Variants in ARHGEF7 observed in about 807,000 individuals in gnomAD.
ARHGEF7 encodes PAK-interacting exchange factor beta.
Under a neutral mutation model 109.8 loss-of-function variants are expected in ARHGEF7, and 33 were observed. The ratio of observed to expected loss-of-function variants is 0.30; its 90% confidence interval spans 0.23 to 0.40. The LOEUF (loss-of-function observed/expected upper bound fraction) is 0.40, where lower values mean the gene tolerates loss of function less well. Among genes scored for constraint, ARHGEF7 ranks in the 10% least tolerant of loss-of-function variants. ARHGEF7 has a pLI of 1.00. For synonymous variants in ARHGEF7, 458 were observed against 424.6 expected (o/e 1.08, Z -0.97); for missense variants, 938 against 1,098.5 (o/e 0.85, Z 2.07).
At chr13:111,248,837 C>T (rs1308091628) in intron 8 of ARHGEF7, among the ~76,000 whole-genome samples, 6 of 152,168 alleles carry the variant, frequency 3.9e-5, no homozygotes, top group Admixed American at 1.3e-4. Context: ...GGATGGGTTA[C>T]GTCTTCATGA....
intron 8 of ARHGEF7, among the ~76,000 whole-genome samples, chr13:111,246,249 T>A (rs1004342543): frequency 9.2e-5 from 14 of 152,238 alleles, no homozygotes; most frequent in African/African-American, 3.1e-4. Context: ...ACACATTTTA[T>A]TTTTAAATTA....
rs995191289 is a variant in ARHGEF7 at position 111,153,448 on chromosome 13, G to A, written c.166-457G>A. ...CCGCGGGGCTAGGGTAGAGACCGAA[G>A]ACTGGACAGGAGGAGGCGGCGGTGG... On this transcript the variant is annotated intron_variant, in intron 1 of 21. Transcript: ENST00000646102. Among the ~76,000 whole-genome samples, 3 of 152,078 alleles carry A rather than the reference G, an allele frequency of 2.0e-5. No individual in the cohort carries two copies. In the South Asian group the frequency reaches 6.2e-4, roughly 31 times the overall value.
intron 2 of ARHGEF7, among the ~76,000 whole-genome samples, chr13:111,155,008 A>T (rs970201094): frequency 1.3e-5 from 2 of 151,496 alleles, no homozygotes; most frequent in African/African-American, 4.9e-5. Flanking sequence ...GAAACCAATT[A>T]AAAAAAAACA....
chr13:111,179,476 TTAAAAA>T (rs1447371638), intron 2 of ARHGEF7, among the ~76,000 whole-genome samples: 1 of 152,236 alleles, frequency 6.6e-6, no homozygotes, highest in African/African-American at 2.4e-5. Flanking sequence ...CATGTGTATC[TTAAAAA>T]TAAGAACATT....
chr13:111,123,601 C>T (rs569936236), intron 1 of ARHGEF7, among the ~76,000 whole-genome samples: 1 of 152,312 alleles, frequency 6.6e-6, no homozygotes, highest in South Asian at 2.1e-4. Flanking sequence ...CCCTCTATAT[C>T]CTTTATTTCC....
Position 111,206,234 on chromosome 13 carries a change from G to C in ARHGEF7, c.337+861G>C, listed in dbSNP as rs546622722. Reference sequence around the variant, plus strand: ...TCTCAGCTTCGTCTGGCCCTTCAGAGGGGGGGGTGTACTTGCCTCACTGCA... The same window carrying C: ...TCTCAGCTTCGTCTGGCCCTTCAGACGGGGGGGTGTACTTGCCTCACTGCA... On this transcript the variant is annotated intron_variant, in intron 3 of 21. Coordinates refer to ENST00000646102, the MANE Select transcript of ARHGEF7 (RefSeq NM_001354046.2). 2.6e-3 allele frequency among the ~76,000 whole-genome samples: 386 copies of C among 150,436 alleles called. 3 individuals carry two copies. The highest frequency in any genetic ancestry group is 7.4e-3 in the Admixed American group (113 of 15,178).
At chr13:111,244,971 T>C (rs1440667453) in intron 8 of ARHGEF7, among the ~76,000 whole-genome samples, 2 of 152,204 alleles carry the variant, frequency 1.3e-5, no homozygotes, top group Non-Finnish European at 2.9e-5. Flanking sequence ...GTCGAGATGC[T>C]TGAAGAAATG....
chr13:111,175,921 A>G (rs895535741), intron 2 of ARHGEF7, among the ~76,000 whole-genome samples: 1 of 152,170 alleles, frequency 6.6e-6, no homozygotes, highest in Non-Finnish European at 1.5e-5. Context: ...TGGCGGCAGG[A>G]AGGAGAAATG....
intron 2 of ARHGEF7, among the ~76,000 whole-genome samples, chr13:111,165,385 C>T (rs557319663): frequency 2.8e-4 from 42 of 152,334 alleles, no homozygotes; most frequent in Middle Eastern, 3.4e-3. Flanking sequence ...GTTGGTCTCA[C>T]CCAAGAGTTG....
rs2091662611 is a variant in ARHGEF7, at chr13:111,266,602, C to A, written c.951-946C>A. Among the ~76,000 whole-genome samples, 1 of 152,106 alleles carries A rather than the reference C, an allele frequency of 6.6e-6. No individual in the cohort carries two copies. Among genetic ancestry groups the A allele is most frequent in the Non-Finnish European group, 1.5e-5 (1 of 68,018 alleles). ...CATGCCTTCTTATAATTAAGGTTGG[C>A]ACACTAAAAGCACTTTGGAAGTGCT... is the stretch of plus-strand genomic sequence containing the variant. On this transcript the variant is annotated intron_variant, in intron 8 of 21. Coordinates refer to ENST00000646102, the MANE Select transcript of ARHGEF7 (RefSeq NM_001354046.2). The surrounding 1 kb of genome is among the most constrained non-coding windows in gnomAD (Gnocchi z 4.8).
chr13:111,210,161 G>T (rs78957631), intron 4 of ARHGEF7, among the ~76,000 whole-genome samples, 159 bp downstream of exon 4: 210 of 152,306 alleles, frequency 1.4e-3, no homozygotes, highest in African/African-American at 4.8e-3. Context: ...TTTGGCATTT[G>T]CTCATTACCA....
At chr13:111,194,624 T>A (rs1258999253) in intron 2 of ARHGEF7, among the ~76,000 whole-genome samples, 2 of 152,224 alleles carry the variant, frequency 1.3e-5, no homozygotes, top group Non-Finnish European at 2.9e-5. Context: ...TCAGGAGATC[T>A]AGAGTAGCCC....
At chr13:111,173,295 G>C (rs1165260138) in intron 2 of ARHGEF7, among the ~76,000 whole-genome samples, 1 of 152,212 alleles carries the variant, frequency 6.6e-6, no homozygotes, top group Admixed American at 6.5e-5. Context: ...GCAGCCTGGA[G>C]GGGTGGTGTG....
chr13:111,216,708 A>G (rs7995910), intron 4 of ARHGEF7, among the ~76,000 whole-genome samples: 69,482 of 152,030 alleles, frequency 0.46, 16,593 homozygotes, highest in South Asian at 0.57. Context: ...CTCGCTTACC[A>G]TCAGTGGTAG....
intron 1 of ARHGEF7, among the ~76,000 whole-genome samples, chr13:111,133,761 C>A (rs867498491): frequency 4.1e-5 from 3 of 73,350 alleles, no homozygotes; most frequent in African/African-American, 1.1e-4. Flanking sequence ...ATCTGCTTTT[C>A]TTTATATATA....
chr13:111,301,832 C>T (rs2093576112), intron 21 of ARHGEF7, among the ~76,000 whole-genome samples: 1 of 152,168 alleles, frequency 6.6e-6, no homozygotes, highest in Admixed American at 6.5e-5. Flanking sequence ...GCGGAGGTTG[C>T]TGTGAGCCGA....
At chr13:111,224,876 A>G (rs1376407408) in intron 5 of ARHGEF7, among the ~76,000 whole-genome samples, 1 of 152,058 alleles carries the variant, frequency 6.6e-6, no homozygotes, top group Non-Finnish European at 1.5e-5. Flanking sequence ...TTGGGTTTGG[A>G]TGGGACACAT....
At position 111,175,937 on chromosome 13, in the gene ARHGEF7, C is replaced by T. The variant is rs138183813; in HGVS notation, c.252+21946C>T. On this transcript the variant is annotated intron_variant, in intron 2 of 21. Transcript: ENST00000646102. ...GGCGGCAGGAAGGAGAAATGCAGAGCGAAGGGCAGGGAAAAGCCCCTTATT... is the reference window on the plus strand; with the variant it reads ...GGCGGCAGGAAGGAGAAATGCAGAGTGAAGGGCAGGGAAAAGCCCCTTATT... Among the ~76,000 whole-genome samples, 35 of 152,234 alleles carry T rather than the reference C, an allele frequency of 2.3e-4. No individual in the cohort carries two copies. In the East Asian group the frequency reaches 5.2e-3, roughly 23 times the overall value.
chr13:111,119,390 G>A (rs2067022356), intron 1 of ARHGEF7, among the ~76,000 whole-genome samples: 1 of 152,184 alleles, frequency 6.6e-6, no homozygotes, highest in African/African-American at 2.4e-5. Context: ...CAGTTTATTA[G>A]CTATTGATCT....
Sources: allele counts gnomAD v4.1 joint callset (sites outside exome capture counted in the v4.1 genomes callset), GRCh38; gene constraint gnomAD v4.1.1; non-coding constraint Gnocchi (gnomAD v3.1); transcripts MANE v1.5; gene names NCBI Gene and HGNC (gene_info 2026-07-23, HGNC 2026-07-21).